SNTG1: variants seen among roughly 807,000 people sequenced by gnomAD.
SNTG1 encodes syntrophin gamma 1.
In SNTG1, 39 loss-of-function variants were observed where a neutral mutation model predicts 74.7. That is an observed-to-expected ratio of 0.52 (90% CI 0.40 to 0.68). The LOEUF (loss-of-function observed/expected upper bound fraction) is 0.68, where lower values mean the gene tolerates loss of function less well. Ranked by LOEUF, SNTG1 falls within the 30% of genes least tolerant of loss-of-function variation. SNTG1 has a pLI of 0.00. For synonymous variants in SNTG1, 254 were observed against 217.1 expected, an observed-to-expected ratio of 1.17 and a Z score of -1.49; for missense variants, 685 against 609.5, an observed-to-expected ratio of 1.12 and a Z score of -1.30.
At chr8:49,938,088 T>G (rs985436492) in intron 1 of SNTG1, among the ~76,000 whole-genome samples, 2 of 152,196 alleles carry the variant, frequency 1.3e-5, no homozygotes, top group Non-Finnish European at 2.9e-5. Context: ...TTCAAATCCA[T>G]GCCATGCCAC....
intron 1 of SNTG1, among the ~76,000 whole-genome samples, chr8:50,088,248 C>T (rs1353437385): frequency 3.3e-5 from 5 of 150,838 alleles, no homozygotes; most frequent in Admixed American, 6.7e-5. Flanking sequence ...ATTGATGGGA[C>T]GTATTTCAAA....
rs186597935 is a variant in SNTG1 at position 50,737,904 on chromosome 8, T to G, written c.1285-14097T>G. ...CAATAAAATAAGTATTGATGGAAAG[T>G]ATCTCAAAATAATAAGAGCTATTTA... On this transcript the variant is annotated intron_variant, in intron 17 of 18. Coordinates refer to ENST00000642720, the MANE Select transcript of SNTG1 (RefSeq NM_018967.5). Among the ~76,000 whole-genome samples the G allele has an allele frequency of 2.4e-4, 37 of 152,238 alleles. No homozygotes were observed. The Middle Eastern group carries it at 0.014, about 56-fold the overall frequency.
chr8:50,546,332 T>C (rs543352731), intron 11 of SNTG1, among the ~76,000 whole-genome samples: 1 of 152,148 alleles, frequency 6.6e-6, no homozygotes, highest in African/African-American at 2.4e-5. Context: ...AAGGGGAATA[T>C]AAAATTTAAG....
In SNTG1 at chr8:50,463,726, G is replaced by A. The variant is rs533279047; in HGVS notation, c.363+12997G>A. 1.1e-4 allele frequency among the ~76,000 whole-genome samples: 16 copies of A among 152,232 alleles called. 1 individual carries two copies. The South Asian group carries it at 3.1e-3, about 30-fold the overall frequency. ...GCTAGCATTTTCAAAATGGTACACA[G>A]ACATTGGCTTCAACTTAAAGCCACC... On this transcript the variant is annotated intron_variant, in intron 8 of 18. Coordinates refer to ENST00000642720, the MANE Select transcript of SNTG1 (RefSeq NM_018967.5).
intron 2 of SNTG1, among the ~76,000 whole-genome samples, chr8:50,186,232 T>G (rs1563712899): frequency 6.6e-6 from 1 of 152,206 alleles, no homozygotes; most frequent in African/African-American, 2.4e-5. Flanking sequence ...TGCCACATTT[T>G]CTTTATTCAA....
chr8:50,060,520 T>C (rs1315863906), intron 1 of SNTG1, among the ~76,000 whole-genome samples: 2 of 152,066 alleles, frequency 1.3e-5, no homozygotes, highest in Non-Finnish European at 2.9e-5. Context: ...TCTGAGGTTT[T>C]TTAGATGGTG....
chr8:50,716,284 T>A (rs2095474820), intron 17 of SNTG1, among the ~76,000 whole-genome samples: 2 of 152,140 alleles, frequency 1.3e-5, no homozygotes. Context: ...ATTAAAAAAA[T>A]TGAAACATCA....
In SNTG1 at chr8:50,305,971, G is replaced by A. The variant is rs151080075; in HGVS notation, c.-27-88241G>A. 5.3e-3 allele frequency among the ~76,000 whole-genome samples: 795 copies of A among 150,390 alleles called. 11 individuals are homozygous for A. Among genetic ancestry groups the A allele is most frequent in the African/African-American group, 0.019 (761 of 41,024 alleles). On this transcript the variant is annotated intron_variant, in intron 2 of 18. Coordinates refer to ENST00000642720, the MANE Select transcript of SNTG1 (RefSeq NM_018967.5). ...GTTTTCGGTTACATGGATAAATTTT[G>A]TAATGAATTCTGTGATTTTAGTGTA...
intron 2 of SNTG1, among the ~76,000 whole-genome samples, chr8:50,320,845 T>G (rs1452332682): frequency 6.6e-6 from 1 of 152,156 alleles, no homozygotes; most frequent in African/African-American, 2.4e-5. Flanking sequence ...TGTTACTTAT[T>G]TCTAATTTTA....
intron 10 of SNTG1, among the ~76,000 whole-genome samples, chr8:50,536,171 C>G (rs1017922322): frequency 1.3e-5 from 2 of 152,064 alleles, no homozygotes; most frequent in African/African-American, 2.4e-5. Flanking sequence ...CACAGATTTC[C>G]TTGAGCAGTG....
chr8:50,033,198 A>C (rs2130768969), intron 1 of SNTG1, among the ~76,000 whole-genome samples: 1 of 151,402 alleles, frequency 6.6e-6, no homozygotes, highest in East Asian at 1.9e-4. Flanking sequence ...ATGTCAGCTC[A>C]CCACAACCTC....
intron 1 of SNTG1, among the ~76,000 whole-genome samples, chr8:50,129,483 A>T (rs2081251520): frequency 6.6e-6 from 1 of 152,150 alleles, no homozygotes; most frequent in South Asian, 2.1e-4. Flanking sequence ...CAAAAGTTGA[A>T]AACTTGATTC....
chr8:49,938,000 G>T (rs1199447817), intron 1 of SNTG1, among the ~76,000 whole-genome samples: 1 of 151,666 alleles, frequency 6.6e-6, no homozygotes, highest in Non-Finnish European at 1.5e-5. Context: ...TCTTAAATTC[G>T]GCCTTGTCCT....
chr8:49,920,618 A>G (rs1002028465), intron 1 of SNTG1, among the ~76,000 whole-genome samples: 5 of 152,108 alleles, frequency 3.3e-5, no homozygotes, highest in Admixed American at 1.3e-4. Context: ...TTTACTAACT[A>G]AGTAACTGGA....
intron 15 of SNTG1, among the ~76,000 whole-genome samples, chr8:50,693,751 C>A (rs967523159): frequency 1.2e-4 from 18 of 152,262 alleles, no homozygotes; most frequent in African/African-American, 4.3e-4. Context: ...ATTAAAATCA[C>A]ATCAAGTACT....
chr8:50,339,681 A>G (rs1019927836), intron 2 of SNTG1, among the ~76,000 whole-genome samples: 1 of 151,960 alleles, frequency 6.6e-6, no homozygotes, highest in Non-Finnish European at 1.5e-5. Context: ...AAATGGAGTC[A>G]TAAAAAGCTC....
At chr8:50,312,296 GTCTTATTTCCAAGGAGAGGGA>G (rs1269204538) in intron 2 of SNTG1, among the ~76,000 whole-genome samples, 3 of 152,150 alleles carry the variant, frequency 2.0e-5, no homozygotes, top group Admixed American at 6.5e-5. Context: ...TTCCCCGCTA[GTCTTATTTCCAAGGAGAGGGA>G]TGCTTAGTGA....
At chr8:49,933,527 A>T (rs909881575) in intron 1 of SNTG1, among the ~76,000 whole-genome samples, 1 of 152,058 alleles carries the variant, frequency 6.6e-6, no homozygotes, top group Non-Finnish European at 1.5e-5. Flanking sequence ...GGCCAACTGT[A>T]TTTATTTACT....
intron 2 of SNTG1, among the ~76,000 whole-genome samples, chr8:50,301,150 T>C (rs1344644070): frequency 1.1e-4 from 16 of 152,120 alleles, no homozygotes; most frequent in Non-Finnish European, 5.9e-5. Flanking sequence ...TCATTATTTT[T>C]CCATTTTCTT....
Sources: gnomAD v4.1 joint callset for allele counts (sites outside exome capture counted in the v4.1 genomes callset) on GRCh38, gnomAD v4.1.1 for gene constraint, MANE v1.5 for transcripts, NCBI Gene and HGNC (gene_info 2026-07-23, HGNC 2026-07-21) for gene names.